RGS6: variants seen among roughly 807,000 people sequenced by gnomAD.
The protein encoded by RGS6 is regulator of G-protein signaling 6.
Under a neutral mutation model 78.5 loss-of-function variants are expected in RGS6, and 30 were observed. That is an observed-to-expected ratio of 0.38 (90% CI 0.29 to 0.52). The LOEUF is 0.52. RGS6 is among the 20% of genes least tolerant of loss of function. The probability of loss-of-function intolerance (pLI) is 0.85; values close to 1 mark genes in which losing one functional copy is unlikely to be tolerated. For missense variants in RGS6, 495 were observed against 609.7 expected, an observed-to-expected ratio of 0.81 and a Z score of 1.98; for synonymous variants, 206 against 206.0, an observed-to-expected ratio of 1.00 and a Z score of 0.00.
the RGS6 span, among the ~76,000 whole-genome samples, chr14:72,597,663 T>C: frequency 6.6e-6 from 1 of 152,242 alleles, no homozygotes; most frequent in Non-Finnish European, 1.5e-5. Flanking sequence ...ATACCTACGA[T>C]GTACAGTGAT....
At chr14:72,130,456 C>T (rs2096290262) in intron 2 of RGS6, among the ~76,000 whole-genome samples, 1 of 152,156 alleles carries the variant, frequency 6.6e-6, no homozygotes, top group African/African-American at 2.4e-5. Flanking sequence ...ATCCATGTGG[C>T]TGGCACCTTC....
chr14:72,112,731 A>G (rs917284857), intron 2 of RGS6, among the ~76,000 whole-genome samples: 3 of 152,164 alleles, frequency 2.0e-5, no homozygotes, highest in Admixed American at 6.5e-5. Flanking sequence ...TGACTTGCCA[A>G]CCAGGTCACA....
chr14:72,191,799 T>C (rs1189882190), intron 2 of RGS6, among the ~76,000 whole-genome samples: 2 of 152,222 alleles, frequency 1.3e-5, no homozygotes, highest in African/African-American at 2.4e-5. Flanking sequence ...ATGCTGACTT[T>C]GGTGGTCATG....
At chr14:72,370,341 A>G (rs973450824) in intron 3 of RGS6, among the ~76,000 whole-genome samples, 27 of 152,170 alleles carry the variant, frequency 1.8e-4, no homozygotes, top group Admixed American at 6.6e-4. Flanking sequence ...GCCCATGGAC[A>G]TTATCTCCTA....
chr14:72,353,597 G>A (rs1471951865), intron 3 of RGS6, among the ~76,000 whole-genome samples: 1 of 152,170 alleles, frequency 6.6e-6, no homozygotes. Flanking sequence ...AAGACAACAG[G>A]AGGGAGTTTT....
At chr14:72,269,455 C>T (rs984243493) in intron 2 of RGS6, among the ~76,000 whole-genome samples, 1 of 152,174 alleles carries the variant, frequency 6.6e-6, no homozygotes, top group African/African-American at 2.4e-5. Flanking sequence ...AGGGCCTTTG[C>T]CCATGCTACT....
intron 2 of RGS6, among the ~76,000 whole-genome samples, chr14:72,166,121 C>T (rs1010811872): frequency 6.6e-6 from 1 of 151,720 alleles, no homozygotes; most frequent in Non-Finnish European, 1.5e-5. Context: ...CACACACACA[C>T]ACACACACAC....
intron 2 of RGS6, among the ~76,000 whole-genome samples, chr14:72,085,081 C>T (rs577495259): frequency 6.6e-6 from 1 of 152,240 alleles, no homozygotes; most frequent in South Asian, 2.1e-4. Context: ...ATGAGCCTGA[C>T]TTGGAATAAC....
chr14:72,411,880 C>T (rs1168821023), intron 3 of RGS6, among the ~76,000 whole-genome samples: 4 of 152,178 alleles, frequency 2.6e-5, no homozygotes, highest in Admixed American at 6.5e-5. Flanking sequence ...TATTGATTTT[C>T]GTATGTTGAA....
intron 2 of RGS6, among the ~76,000 whole-genome samples, chr14:71,982,740 C>G (rs1369732148): frequency 6.6e-6 from 1 of 152,222 alleles, no homozygotes; most frequent in Non-Finnish European, 1.5e-5. Flanking sequence ...GGCTCATCTT[C>G]TTAGTTTTCT....
intron 2 of RGS6, among the ~76,000 whole-genome samples, chr14:72,066,335 T>C (rs1406413709): frequency 6.6e-6 from 1 of 152,086 alleles, no homozygotes; most frequent in Admixed American, 6.5e-5. Context: ...TTCTAAAGGT[T>C]TTTACGTCTA....
chr14:72,178,639 G>A (rs528139471), intron 2 of RGS6, among the ~76,000 whole-genome samples: 13 of 152,084 alleles, frequency 8.5e-5, no homozygotes, highest in South Asian at 4.2e-4. Context: ...AAAATTCTTC[G>A]TATTGAAGAA....
intron 3 of RGS6, among the ~76,000 whole-genome samples, chr14:72,394,444 G>A (rs1296793928): frequency 6.6e-6 from 1 of 152,174 alleles, no homozygotes; most frequent in Non-Finnish European, 1.5e-5. Flanking sequence ...CTTTGTCATT[G>A]ATAACATCTT....
the RGS6 span, among the ~76,000 whole-genome samples, chr14:71,875,377 G>A: frequency 6.6e-6 from 1 of 152,260 alleles, no homozygotes; most frequent in South Asian, 2.1e-4. Flanking sequence ...TCTTGGGAGG[G>A]TGTTTGTGTA....
chr14:72,383,177 CATATATATATATATATATATATAT>C (rs35175623), intron 3 of RGS6, among the ~76,000 whole-genome samples: 1,163 of 71,032 alleles, frequency 0.016, 80 homozygotes, highest in Admixed American at 0.1. Flanking sequence ...AAAAATTGTA[CATATATATATATATATATATATAT>C]ATATATATAT....
intron 2 of RGS6, among the ~76,000 whole-genome samples, chr14:72,142,891 G>A (rs1191367416): frequency 3.9e-5 from 6 of 152,128 alleles, no homozygotes; most frequent in South Asian, 2.1e-4. Flanking sequence ...CTAAATAAGA[G>A]GCAAACAGAG....
chr14:71,967,017 A>G (rs1437734465), intron 2 of RGS6, among the ~76,000 whole-genome samples: 1 of 152,062 alleles, frequency 6.6e-6, no homozygotes, highest in East Asian at 1.9e-4. Flanking sequence ...TTACAGGAAA[A>G]AAAAACTTCC....
the RGS6 span, among the ~76,000 whole-genome samples, chr14:72,600,099 TCTC>T: frequency 1.3e-5 from 2 of 151,586 alleles, no homozygotes. Flanking sequence ...CCTCCCTTCT[TCTC>T]CTCCTTTCTT....
At chr14:72,241,181 T>A (rs192670087) in intron 2 of RGS6, among the ~76,000 whole-genome samples, 452 of 149,428 alleles carry the variant, frequency 3.0e-3, no homozygotes, top group African/African-American at 0.011. Flanking sequence ...ACAAAACTTA[T>A]GCCTTTTATG....
Sources: gnomAD v4.1 joint callset for allele counts (sites outside exome capture counted in the v4.1 genomes callset) on GRCh38, gnomAD v4.1.1 for gene constraint, MANE v1.5 for transcripts, NCBI Gene and HGNC (gene_info 2026-07-23, HGNC 2026-07-21) for gene names.